Variants in TRDMT1 observed in about 807,000 individuals in gnomAD.
TRDMT1 encodes the protein tRNA aspartic acid methyltransferase 1, also known as tRNA (cytosine(38)-C(5))-methyltransferase.
TRDMT1 carries 49 observed loss-of-function variants against 51.2 expected under a neutral mutation model. That is an observed-to-expected ratio of 0.96 (90% CI 0.76 to 1.21). TRDMT1 has a LOEUF of 1.21. Ranked by LOEUF, TRDMT1 falls within the 50% of genes most tolerant of loss-of-function variation. TRDMT1 has a pLI of 0.00. For synonymous variants in TRDMT1, 187 were observed against 164.6 expected, an observed-to-expected ratio of 1.14 and a Z score of -1.04; for missense variants, 534 against 462.3, an observed-to-expected ratio of 1.16 and a Z score of -1.42.
chr10:17,191,890 G>A (rs1377728013), intron 1 of TRDMT1, among the ~76,000 whole-genome samples: 1 of 152,162 alleles, frequency 6.6e-6, no homozygotes, highest in African/African-American at 2.4e-5. Flanking sequence ...AGCAGACAGA[G>A]TGCATGCCCA....
intron 10 of TRDMT1, chr10:17,151,171 G>A (rs2131373527): frequency 1.3e-6 from 1 of 778,962 alleles, no homozygotes; most frequent in East Asian, 1.3e-4. Context: ...TTTTGCCACT[G>A]AAAGTGATGG....
In TRDMT1 at chr10:17,149,124, T is replaced by C. The variant is rs778729817; in HGVS notation, c.1092A>G (p.Ile364Met). The change falls in exon 11 of 11, where the codon ATA becomes ATG. Residue 364 changes from isoleucine to methionine, a missense_variant. By Grantham distance (10) the Ile-to-Met change is conservative. Coordinates refer to ENST00000377799, the MANE Select transcript of TRDMT1 (RefSeq NM_004412.7). ...FPPEFGFPEK[I>M]TVKQRYRLLG... ...GTAGGCGATAACGCTGTTTCACTGT[T>C]ATCTTCTCAGGAAATCCTAAAAAGA... is the stretch of plus-strand genomic sequence containing the variant. The C allele has an allele frequency of 1.2e-6, 2 of 1,610,020 alleles. No homozygotes were observed. Among genetic ancestry groups the C allele is most frequent in the East Asian group, 4.5e-5 (2 of 44,726 alleles).
chr10:17,145,284 A>AACAAAACAAAAAAAT lies in TRDMT1; in HGVS notation c.*3755_*3756insATTTTTTTGTTTTGT, dbSNP rs1838009967. On this transcript the variant is annotated 3_prime_UTR_variant, in exon 11 of 11. Transcript: ENST00000377799. ...AAACAAAACAAAACAAAACAAAAAAAACAGCAAAGGGAAACTCTCAAATGA... is the reference window on the plus strand; with the variant it reads ...AAACAAAACAAAACAAAACAAAAAAAACAAAACAAAAAAATACAGCAAAGGGAAACTCTCAAATGA... 1.0e-6 allele frequency: 1 copy of AACAAAACAAAAAAAT among 985,332 alleles called. No homozygotes were observed. Among genetic ancestry groups the AACAAAACAAAAAAAT allele is most frequent in the Non-Finnish European group, 1.2e-6 (1 of 830,062 alleles). The allele number at this position is 985,332 out of a possible 1,614,324, so 61.0% of individuals were successfully genotyped here. A position where few individuals can be genotyped will look rare whatever the true frequency, so the allele number is the denominator to read the frequency against.
intron 3 of TRDMT1, among the ~76,000 whole-genome samples, chr10:17,166,167 T>C (rs7895128): frequency 0.03 from 4,580 of 152,140 alleles, 225 homozygotes; most frequent in African/African-American, 0.1. Context: ...GTGGCACATA[T>C]ACACCATGGA....
chr10:17,157,296 T>G, intron 8 of TRDMT1, 145 bp downstream of exon 8: 1 of 712,562 alleles, frequency 1.4e-6, no homozygotes, highest in Non-Finnish European at 2.2e-6. Context: ...TACTGGAACA[T>G]GAAGTAGGCA....
At chr10:17,195,331 T>A (rs1343465055) in intron 1 of TRDMT1, among the ~76,000 whole-genome samples, 1 of 152,212 alleles carries the variant, frequency 6.6e-6, no homozygotes, top group Admixed American at 6.5e-5. Flanking sequence ...GAGGCCATTA[T>A]CCTTAGTGAA....
intron 10 of TRDMT1, among the ~76,000 whole-genome samples, chr10:17,149,819 CTTG>C (rs573379206): frequency 2.6e-5 from 4 of 152,156 alleles, no homozygotes; most frequent in African/African-American, 7.2e-5. Context: ...TACTTCATTC[CTTG>C]TTGGTGGTGA....
rs1241675246 is a variant in TRDMT1, at chr10:17,146,208, T to C, written c.*2832A>G. 1 of 985,364 alleles carries C rather than the reference T, an allele frequency of 1.0e-6. No homozygotes were observed. The highest frequency in any genetic ancestry group is 1.7e-5 in the African/African-American group (1 of 57,264). 61.0% of individuals were successfully genotyped at this position (985,364 alleles called of 1,614,324 possible). A position where few individuals can be genotyped will look rare whatever the true frequency, so the allele number is the denominator to read the frequency against. On this transcript the variant is annotated 3_prime_UTR_variant, in exon 11 of 11. Transcript: ENST00000377799. ...AAAAGTGCTGGGTGGACCCTCACTG[T>C]TCACAATTTCAACTACTGTTTTTGC...
At chr10:17,160,911 C>T (rs1840262850) in intron 5 of TRDMT1, among the ~76,000 whole-genome samples, 1 of 152,172 alleles carries the variant, frequency 6.6e-6, no homozygotes, top group Admixed American at 6.5e-5. Context: ...ATAAATAAAG[C>T]TGCCAGATAA....
intron 1 of TRDMT1, among the ~76,000 whole-genome samples, chr10:17,178,882 TAA>T (rs1842938853): frequency 1.3e-5 from 2 of 152,100 alleles, no homozygotes; most frequent in Non-Finnish European, 2.9e-5. Flanking sequence ...AGACTAAATA[TAA>T]GAGACCACCA....
In TRDMT1 at chr10:17,157,676, C is replaced by T; in HGVS notation, c.652G>A (p.Gly218Ser). The change falls in exon 8 of 11, where the codon GGC becomes AGC. Residue 218 changes from glycine to serine, a missense_variant. Coordinates refer to ENST00000377799, the MANE Select transcript of TRDMT1 (RefSeq NM_004412.7). Reference sequence around the variant, plus strand: ...TCTTTTCCAGAACACTGTATGCTGCCATCAAAGCTAATATTTGGTTCAACG... The same window carrying T: ...TCTTTTCCAGAACACTGTATGCTGCTATCAAAGCTAATATTTGGTTCAACG... ...KNVEPNISFD[G>S]SIQCSGKDAI... is the part of the protein sequence containing the mutation. 1 of 1,613,176 alleles carries T rather than the reference C, an allele frequency of 6.2e-7. No individual in the cohort carries two copies. The highest frequency in any genetic ancestry group is 8.5e-7 in the Non-Finnish European group (1 of 1,179,548).
rs76247839 is a variant in TRDMT1, at chr10:17,175,948, G to T, written c.65-1288C>A. Among the ~76,000 whole-genome samples the T allele has an allele frequency of 6.3e-3, 957 of 152,298 alleles. 15 individuals carry two copies. The highest frequency in any genetic ancestry group is 0.022 in the African/African-American group (894 of 41,568). ...TCCCCTGCGTGCTGCAAACTTGGTG[G>T]TCTAATCAGTAATGCCATAGACAGC... On this transcript the variant is annotated intron_variant, in intron 1 of 10. Transcript: ENST00000377799.
rs7894268 is a variant in TRDMT1 at position 17,157,831 on chromosome 10, A to C, written c.544-47T>G. The C allele has an allele frequency of 0.3, 421,617 of 1,404,132 alleles. 64,094 individuals are homozygous for C. The highest frequency in any genetic ancestry group is 0.33 in the Middle Eastern group (1,250 of 3,828). The allele number at this position is 1,404,132 out of a possible 1,614,324, so 87.0% of individuals were successfully genotyped here. A position where few individuals can be genotyped will look rare whatever the true frequency, so the allele number is the denominator to read the frequency against. ...CAAATTGTCAAAAGTTGCATTAAAA[A>C]TAAGAGAAATTAACAATGTCCAGTC... is the stretch of plus-strand genomic sequence containing the variant. On this transcript the variant is annotated intron_variant, in intron 7 of 10. Coordinates refer to ENST00000377799, the MANE Select transcript of TRDMT1 (RefSeq NM_004412.7).
chr10:17,187,221 A>AT (rs1172830645), intron 1 of TRDMT1, among the ~76,000 whole-genome samples: 1 of 152,160 alleles, frequency 6.6e-6, no homozygotes, highest in African/African-American at 2.4e-5. Context: ...GTGTGTCCCA[A>AT]TTTTTTAACA....
At chr10:17,193,656 T>C (rs937947401) in intron 1 of TRDMT1, among the ~76,000 whole-genome samples, 2 of 152,090 alleles carry the variant, frequency 1.3e-5, no homozygotes, top group African/African-American at 4.8e-5. Flanking sequence ...AGAGACATCA[T>C]ACAGGTGACA....
rs55985826 is a variant in TRDMT1 at position 17,138,648 on chromosome 10, AT to A, written c.*10391del. On this transcript the variant is annotated 3_prime_UTR_variant, in exon 11 of 11. Transcript: ENST00000377799. ...ATGACTACAATTATCTTTGAGTAGAATGAAAAAGAATTATGAGTTAATCATT... is the reference window on the plus strand; with the variant it reads ...ATGACTACAATTATCTTTGAGTAGAAGAAAAAGAATTATGAGTTAATCATT... 0.27 allele frequency among the ~76,000 whole-genome samples: 40,509 copies of A among 151,930 alleles called. 5,648 individuals carry two copies. The highest frequency in any genetic ancestry group is 0.35 in the Middle Eastern group (104 of 294).
At chr10:17,153,398 A>G (rs1839038910) in intron 10 of TRDMT1, 109 bp downstream of exon 10, 1 of 1,254,126 alleles carries the variant, frequency 8.0e-7, no homozygotes, top group Non-Finnish European at 1.1e-6. Context: ...AGGAAAGGAA[A>G]GAGGTTTCTT....
At chr10:17,157,923 C>T in intron 7 of TRDMT1, 139 bp from the exon 8 acceptor site, 1 of 655,350 alleles carries the variant, frequency 1.5e-6, no homozygotes, top group South Asian at 2.1e-5. Context: ...TTGTGGTTTA[C>T]TTGTATTTGT....
At position 17,145,906 on chromosome 10, in the gene TRDMT1, G is replaced by C. The variant is rs538333907; in HGVS notation, c.*3134C>G. 2.4e-4 allele frequency: 240 copies of C among 985,392 alleles called. No homozygotes were observed. The African/African-American group carries it at 4.1e-3, about 17-fold the overall frequency. The allele number at this position is 985,392 out of a possible 1,614,324, so 61.0% of individuals were successfully genotyped here. On this transcript the variant is annotated 3_prime_UTR_variant, in exon 11 of 11. Coordinates refer to ENST00000377799, the MANE Select transcript of TRDMT1 (RefSeq NM_004412.7). The stretch of plus-strand genomic sequence containing the variant: ...ATTAAATCAGTTGTATTTATCTTTA[G>C]TTCATTTCTCTCTCCTCAGAAGTCT...
Sources: gnomAD v4.1 joint callset for allele counts (sites outside exome capture counted in the v4.1 genomes callset) on GRCh38, gnomAD v4.1.1 for gene constraint, MANE v1.5 for transcripts, NCBI Gene and HGNC (gene_info 2026-07-23, HGNC 2026-07-21) for gene names.